The following PLCB3 variants were observed in gnomAD, a reference collection of about 807,000 sequenced individuals.
PLCB3 encodes the protein phospholipase C beta 3.
PLCB3 carries 54 observed loss-of-function variants against 152.1 expected under a neutral mutation model. That is an observed-to-expected ratio of 0.36 (90% confidence interval 0.29 to 0.45). The LOEUF (loss-of-function observed/expected upper bound fraction) is 0.45, where lower values mean the gene tolerates loss of function less well. Ranked by LOEUF, PLCB3 falls within the 20% of genes least tolerant of loss-of-function variation. The pLI, the probability that PLCB3 is intolerant of heterozygous loss-of-function variation, is 1.00. For missense variants in PLCB3, 1,248 were observed against 1,687.5 expected (o/e 0.74, Z 4.56); for synonymous variants, 717 against 698.7 (o/e 1.03, Z -0.41).
intron 19 of PLCB3, among the ~76,000 whole-genome samples, 195 bp downstream of exon 19, chr11:64,263,003 GAGA>G (rs1050756386): frequency 6.6e-6 from 1 of 152,212 alleles, no homozygotes; most frequent in African/African-American, 2.4e-5. Flanking sequence ...AGACCAGGGT[GAGA>G]AGGTGAGATG....
In PLCB3 at chr11:64,260,060, G is replaced by A; in HGVS notation, c.1557G>A (p.Leu519=). 6.2e-7 allele frequency: 1 copy of A among 1,612,050 alleles called. No homozygotes were observed. The highest frequency in any genetic ancestry group is 8.5e-7 in the Non-Finnish European group (1 of 1,179,412). The change falls in exon 14 of 31, where the codon CTG becomes CTA. Residue 519 remains leucine (L), a synonymous_variant. Coordinates refer to ENST00000279230, the MANE Select transcript of PLCB3 (RefSeq NM_000932.5). The part of the protein sequence containing the change: ...GSPSSDSCPG[L]SNGEEVGLEK... Reference sequence around the variant, plus strand: ...CCAGCTCTGACAGCTGCCCAGGCCTGAGCAATGGGGAGGAGGTAGGGCTTG... The same window carrying A: ...CCAGCTCTGACAGCTGCCCAGGCCTAAGCAATGGGGAGGAGGTAGGGCTTG...
chr11:64,267,578 C>T lies in PLCB3; in HGVS notation c.*22C>T. The T allele has an allele frequency of 6.5e-7, 1 of 1,536,822 alleles. No individual in the cohort carries two copies. On this transcript the variant is annotated 3_prime_UTR_variant, in exon 31 of 31. Transcript: ENST00000279230. This position sits in a 1 kb window ranked among gnomAD's most constrained non-coding sequence, Gnocchi z 5.2. Reference sequence around the variant, plus strand: ...CTGAACTGGCTGAGCGAGGTGGCCACAGGGCCAGGGCGGGCGCTGGGTGGA... The same window carrying T: ...CTGAACTGGCTGAGCGAGGTGGCCATAGGGCCAGGGCGGGCGCTGGGTGGA...
intron 1 of PLCB3, among the ~76,000 whole-genome samples, chr11:64,253,224 G>A (rs754877956): frequency 3.0e-4 from 45 of 152,220 alleles, no homozygotes; most frequent in Non-Finnish European, 5.6e-4. Context: ...CCTGGCAGAA[G>A]TCTCCGCTCC....
intron 13 of PLCB3, among the ~76,000 whole-genome samples, 174 bp downstream of exon 13, chr11:64,259,418 C>T (rs2031727549): frequency 6.6e-6 from 1 of 152,130 alleles, no homozygotes; most frequent in African/African-American, 2.4e-5. Flanking sequence ...GGCCTCTGAC[C>T]CCTGACCTCA....
rs2031664851 is a variant in PLCB3 at position 64,258,612 on chromosome 11, C to T, written c.1152C>T (p.Thr384=). Residue 384 remains threonine (T), a synonymous_variant, in exon 11 of 31, where the codon ACC becomes ACT. Coordinates refer to ENST00000279230, the MANE Select transcript of PLCB3 (RefSeq NM_000932.5). This position sits in a 1 kb window ranked among gnomAD's most constrained non-coding sequence, Gnocchi z 7.2. ...TCATTACCCACGGCTTCACCATGAC[C>T]ACAGAGGTGCCTCTGCGCGACGTGC... ...EPFITHGFTM[T]TEVPLRDVLE... 6.2e-7 allele frequency: 1 copy of T among 1,614,098 alleles called. No homozygotes were observed. The highest frequency in any genetic ancestry group is 8.5e-7 in the Non-Finnish European group (1 of 1,180,036).
Position 64,263,509 on chromosome 11 carries a change from C to T in PLCB3, c.2367C>T (p.Pro789=). 1 of 1,556,724 alleles carries T rather than the reference C, an allele frequency of 6.4e-7. No individual in the cohort carries two copies. The highest frequency in any genetic ancestry group is 8.7e-7 in the Non-Finnish European group (1 of 1,150,226). ...EPFDFPKVVL[P]TLASLRIAAF... is the part of the protein sequence containing the mutation. ...AGTCTGGCCCACAGGTGGTGCTGCC[C>T]ACGCTGGCTTCACTTCGCATTGCAG... Residue 789 remains proline, a synonymous_variant, in exon 20 of 31, where the codon CCC becomes CCT. Transcript: ENST00000279230.
intron 18 of PLCB3, 40 bp from the exon 19 acceptor site, chr11:64,262,607 A>G: frequency 6.2e-7 from 1 of 1,611,784 alleles, no homozygotes; most frequent in Non-Finnish European, 8.5e-7. Context: ...TGGGGGCAGG[A>G]CTCTCAGCAT....
At position 64,262,428 on chromosome 11, in the gene PLCB3, C is replaced by T. The variant is rs369907605; in HGVS notation, c.2060C>T (p.Ala687Val). 48 of 1,613,526 alleles carry T rather than the reference C, an allele frequency of 3.0e-5. No homozygotes were observed. In the Admixed American group the frequency reaches 3.5e-4, roughly 12 times the overall value. The change falls in exon 18 of 31, where the codon GCG (alanine) becomes GTG (valine). Residue 687 changes from alanine (A) to valine (V), a missense_variant. Physicochemically the swap from Ala to Val is moderately conservative, Grantham distance 64 (BLOSUM62 0). Coordinates refer to ENST00000279230, the MANE Select transcript of PLCB3 (RefSeq NM_000932.5). ...QTLDVAMQLN[A>V]GVFEYNGRSG... ...CCAGATGTGGCGATGCAGCTCAACGCGGGCGTTTTTGAGTACAACGGGCGC... is the reference window on the plus strand; with the variant it reads ...CCAGATGTGGCGATGCAGCTCAACGTGGGCGTTTTTGAGTACAACGGGCGC...
At chr11:64,259,332 C>CA (rs2031722266) in intron 13 of PLCB3, 88 bp downstream of exon 13, 7 of 1,096,816 alleles carry the variant, frequency 6.4e-6, no homozygotes, top group Non-Finnish European at 8.9e-6. Flanking sequence ...CCCAGACCCC[C>CA]AGCCCACCCT....
Position 64,267,109 on chromosome 11 carries a change from C to T in PLCB3, c.3415-76C>T. 1 of 1,374,602 alleles carries T rather than the reference C, an allele frequency of 7.3e-7. No homozygotes were observed. The highest frequency in any genetic ancestry group is 1.4e-5 in the African/African-American group (1 of 69,650). 85.2% of individuals were successfully genotyped at this position (1,374,602 alleles called of 1,614,324 possible). On this transcript the variant is annotated intron_variant, in intron 29 of 30. Transcript: ENST00000279230. This position sits in a 1 kb window ranked among gnomAD's most constrained non-coding sequence, Gnocchi z 5.2. ...GCACCCGGCCTCGCCCACCTGACTT[C>T]TATACCCAGCCAGAGCCTCGAGGCT...
At chr11:64,262,151 T>C in intron 17 of PLCB3, 75 bp downstream of exon 17, 1 of 1,585,428 alleles carries the variant, frequency 6.3e-7, no homozygotes, top group African/African-American at 1.3e-5. Context: ...CTGCTGGTCT[T>C]GCCTGAATGG....
At position 64,265,888 on chromosome 11, in the gene PLCB3, G is replaced by T. The variant is rs61757725; in HGVS notation, c.3038G>T (p.Gly1013Val). 2,385 of 1,612,414 alleles carry T rather than the reference G, an allele frequency of 1.5e-3. 21 individuals are homozygous for T. The East Asian group carries it at 0.025, about 17-fold the overall frequency. Residue 1013 changes from glycine (G) to valine (V), a missense_variant and splice_region_variant, in exon 26 of 31, where the codon GGT becomes GTT. Gly to Val is a moderately radical substitution (Grantham distance 109). This residue lies in a region of PLCB3 where 477 missense variants were observed against 489.6 expected (regional missense o/e 0.97). Transcript: ENST00000279230. ...GRCRLRPGAL[G>V]GAADVEDTKE... ...ACCCAGAGGGGTTCTCCTCGCAGAG[G>T]TGGGGCCGCTGATGTGGAGGACACG...
rs777406407 is a variant in PLCB3, at chr11:64,265,453, C to T, written c.2986C>T (p.Leu996=). 1 of 1,609,602 alleles carries T rather than the reference C, an allele frequency of 6.2e-7. No homozygotes were observed. The highest frequency in any genetic ancestry group is 8.5e-7 in the Non-Finnish European group (1 of 1,179,794). Residue 996 remains leucine (L), a synonymous_variant, in exon 25 of 31, where the codon CTG becomes TTG. Transcript: ENST00000279230. The stretch of plus-strand genomic sequence containing the variant: ...CCTCACCCGCCGCCTGCTGGATGGC[C>T]TGGCTCAGGCACAGGCTGAGGGCAG... ...VTLTRRLLDG[L]AQAQAEGRCR... is the part of the protein sequence containing the mutation.
chr11:64,255,639 C>A lies in PLCB3; in HGVS notation c.597+23C>A. 4 of 645,440 alleles carry A rather than the reference C, an allele frequency of 6.2e-6. No individual in the cohort carries two copies. The highest frequency in any genetic ancestry group is 8.1e-6 in the Non-Finnish European group (3 of 370,686). The allele number at this position is 645,440 out of a possible 1,614,324, so 40.0% of individuals were successfully genotyped here. A position where few individuals can be genotyped will look rare whatever the true frequency, so the allele number is the denominator to read the frequency against. On this transcript the variant is annotated intron_variant, in intron 7 of 30. Coordinates refer to ENST00000279230, the MANE Select transcript of PLCB3 (RefSeq NM_000932.5). The surrounding 1 kb of genome is among the most constrained non-coding windows in gnomAD (Gnocchi z 6.8). ...CGGGTGTGTGGGGTGGGGACAGGGG[C>A]GGGGTGGGGTGTCACGGTGGGCACC...
Position 64,256,430 on chromosome 11 carries a change from C to T in PLCB3, c.753C>T (p.Asn251=). The change falls in exon 9 of 31, where the codon AAC becomes AAT. Residue 251 remains asparagine (N), a synonymous_variant. Coordinates refer to ENST00000279230, the MANE Select transcript of PLCB3 (RefSeq NM_000932.5). ...LTLEQLMDFI[N]QKQRDPRLNE... Reference sequence around the variant, plus strand: ...TGGAGCAGCTCATGGACTTCATCAACCAGAAGCAACGCGACCCGAGACTCA... The same window carrying T: ...TGGAGCAGCTCATGGACTTCATCAATCAGAAGCAACGCGACCCGAGACTCA... 3 of 1,613,740 alleles carry T rather than the reference C, an allele frequency of 1.9e-6. No homozygotes were observed. Among genetic ancestry groups the T allele is most frequent in the Non-Finnish European group, 2.5e-6 (3 of 1,180,000 alleles).
At chr11:64,264,871 G>C in intron 22 of PLCB3, 80 bp from the exon 23 acceptor site, 1 of 1,412,336 alleles carries the variant, frequency 7.1e-7, no homozygotes, top group East Asian at 2.3e-5. Flanking sequence ...GGGTGCTAGG[G>C]GACCCAGGAG....
chr11:64,265,238 G>A lies in PLCB3; in HGVS notation c.2842+11G>A. On this transcript the variant is annotated intron_variant, in intron 24 of 30. Transcript: ENST00000279230. ...CCAGCATCCTCTCAGGTAGGGGGCG[G>A]GGTACCTGGAGGCAGGGGGCTGCCT... 6.3e-7 allele frequency: 1 copy of A among 1,596,834 alleles called. No individual in the cohort carries two copies. The highest frequency in any genetic ancestry group is 8.5e-7 in the Non-Finnish European group (1 of 1,170,994).
At chr11:64,264,907 G>C in intron 22 of PLCB3, 44 bp from the exon 23 acceptor site, 1 of 1,606,846 alleles carries the variant, frequency 6.2e-7, no homozygotes, top group Non-Finnish European at 8.5e-7. Context: ...AGGGTCTGGA[G>C]GGAACAGCAT....
At chr11:64,251,793 C>G (rs978743582) in intron 1 of PLCB3, 45 bp downstream of exon 1, 21 of 1,152,792 alleles carry the variant, frequency 1.8e-5, no homozygotes, top group Non-Finnish European at 2.1e-5. Context: ...GGGACTCTTT[C>G]AGTCAAGCTC....
Sources: allele counts gnomAD v4.1 joint callset (sites outside exome capture counted in the v4.1 genomes callset), GRCh38; gene constraint gnomAD v4.1.1; regional missense constraint gnomAD v4.1.1; non-coding constraint Gnocchi (gnomAD v3.1); transcripts MANE v1.5; gene names NCBI Gene and HGNC (gene_info 2026-07-23, HGNC 2026-07-21).